ZWILCH: variants seen among roughly 807,000 people sequenced by gnomAD.
ZWILCH encodes protein zwilch homolog.
Under a neutral mutation model 79.9 loss-of-function variants are expected in ZWILCH, and 74 were observed. The ratio of observed to expected loss-of-function variants is 0.93; its 90% CI spans 0.77 to 1.12. ZWILCH has a LOEUF of 1.12. Ranked by LOEUF, ZWILCH falls within the 50% of genes most tolerant of loss-of-function variation. The pLI is 0.00. For missense variants in ZWILCH, 694 were observed against 687.5 expected, an observed-to-expected ratio of 1.01 and a Z score of -0.11; for synonymous variants, 241 against 228.2, an observed-to-expected ratio of 1.06 and a Z score of -0.51.
chr15:66,533,039 T>C (rs1292938964), intron 14 of ZWILCH, 26 bp downstream of exon 14: 8 of 1,541,922 alleles, frequency 5.2e-6, no homozygotes, highest in South Asian at 2.4e-5. Context: ...TATTCTAAAA[T>C]TGGTTTTTCT....
intron 14 of ZWILCH, 101 bp from the exon 15 acceptor site, chr15:66,535,832 A>C: frequency 1.0e-6 from 1 of 984,652 alleles, no homozygotes; most frequent in African/African-American, 1.7e-5. Flanking sequence ...AATGCCTGTT[A>C]TCAAGCATCC....
Position 66,515,536 on chromosome 15 carries a change from A to G in ZWILCH, c.212A>G (p.Lys71Arg), listed in dbSNP as rs763758500. ...VFIVEKVPLEKEETSHIEELQ... is the reference protein window; with the variant it reads ...VFIVEKVPLEREETSHIEELQ... The stretch of plus-strand genomic sequence containing the variant: ...AGAACATTTTTAAAGCCTTTAGAAA[A>G]GGAAGAAACAAGTCATATTGAAGAA... Residue 71 changes from lysine (K) to arginine (R), a missense_variant, in exon 4 of 19, where the codon AAG (lysine) becomes AGG (arginine). Lys to Arg is a conservative substitution (Grantham distance 26). Transcript: ENST00000307897. 6.2e-7 allele frequency: 1 copy of G among 1,600,648 alleles called. No individual in the cohort carries two copies. The highest frequency in any genetic ancestry group is 8.5e-7 in the Non-Finnish European group (1 of 1,172,636).
In ZWILCH at chr15:66,520,731, T is replaced by G. The variant is rs185963946; in HGVS notation, c.591+71T>G. 4.5e-3 allele frequency: 4,403 copies of G among 986,982 alleles called. 23 individuals carry two copies. The highest frequency in any genetic ancestry group is 5.8e-3 in the Non-Finnish European group (3,819 of 653,760). The allele number at this position is 986,982 out of a possible 1,614,324, so 61.1% of individuals were successfully genotyped here. ...CAACCTGCCTTCCTAGTTTACAGGT[T>G]TTTTTTCACTCCTAAGATGACTAGA... On this transcript the variant is annotated intron_variant, in intron 6 of 18. Coordinates refer to ENST00000307897, the MANE Select transcript of ZWILCH (RefSeq NM_017975.5).
intron 8 of ZWILCH, among the ~76,000 whole-genome samples, chr15:66,526,622 G>C (rs529959640): frequency 1.3e-5 from 2 of 152,106 alleles, no homozygotes; most frequent in East Asian, 1.9e-4. Context: ...ACCATGCCCA[G>C]CTGATTTTTT....
chr15:66,529,045 G>A (rs1894779408), intron 11 of ZWILCH, 88 bp downstream of exon 11: 1 of 991,748 alleles, frequency 1.0e-6, no homozygotes, highest in African/African-American at 1.6e-5. Context: ...TGTACCACTA[G>A]TTTTGTGGGG....
intron 7 of ZWILCH, chr15:66,523,316 A>G (rs1894565573): frequency 5.7e-6 from 1 of 176,916 alleles, no homozygotes; most frequent in African/African-American, 2.4e-5. Flanking sequence ...GGTTTGTGAT[A>G]ATGCTAAGTT....
chr15:66,507,234 G>T (rs1199123925), intron 1 of ZWILCH, among the ~76,000 whole-genome samples: 4 of 152,188 alleles, frequency 2.6e-5, no homozygotes, highest in Admixed American at 2.6e-4. Flanking sequence ...TTTTCACACG[G>T]GACCTCAGAT....
In ZWILCH at chr15:66,535,950, A is replaced by G. The variant is rs1268566197; in HGVS notation, c.1359A>G (p.Pro453=). Residue 453 remains proline (P), a synonymous_variant, in exon 15 of 19, where the codon CCA becomes CCG. Coordinates refer to ENST00000307897, the MANE Select transcript of ZWILCH (RefSeq NM_017975.5). ...CATTCCAGGAATACTTCATTGCTCCATCAGTAGATATACAAGAACAGGTTT... is the reference window on the plus strand; with the variant it reads ...CATTCCAGGAATACTTCATTGCTCCGTCAGTAGATATACAAGAACAGGTTT... ...SLNHLEYFIA[P]SVDIQEQVYR... is the part of the protein sequence containing the mutation. The G allele has an allele frequency of 2.5e-6, 4 of 1,604,996 alleles. No homozygotes were observed. The highest frequency in any genetic ancestry group is 3.4e-6 in the Non-Finnish European group (4 of 1,177,780).
intron 17 of ZWILCH, among the ~76,000 whole-genome samples, chr15:66,545,669 C>G (rs993894888): frequency 6.6e-6 from 1 of 152,154 alleles, no homozygotes; most frequent in Non-Finnish European, 1.5e-5. Flanking sequence ...CCTCTTGTAG[C>G]CATCATATAT....
chr15:66,542,394 G>T (rs1567053384), intron 17 of ZWILCH, among the ~76,000 whole-genome samples: 1 of 152,122 alleles, frequency 6.6e-6, no homozygotes, highest in East Asian at 1.9e-4. Flanking sequence ...GACCATCCTG[G>T]CTAACACAGT....
chr15:66,517,641 G>C (rs919497660), intron 4 of ZWILCH, among the ~76,000 whole-genome samples: 5 of 148,212 alleles, frequency 3.4e-5, no homozygotes, highest in Admixed American at 1.4e-4. Context: ...TACCTAATCA[G>C]AGCCCATATT....
chr15:66,524,188 C>CA (rs1894599066), intron 8 of ZWILCH, among the ~76,000 whole-genome samples: 3 of 151,896 alleles, frequency 2.0e-5, no homozygotes, highest in Non-Finnish European at 2.9e-5. Context: ...TGTATATTTA[C>CA]CTTTTGAGGA....
intron 16 of ZWILCH, 53 bp from the exon 17 acceptor site, chr15:66,540,045 A>G (rs890805196): frequency 2.3e-6 from 3 of 1,297,592 alleles, no homozygotes; most frequent in African/African-American, 2.9e-5. Context: ...GAGGGAAGGA[A>G]GTAAATGGCT....
In ZWILCH at chr15:66,505,361, C is replaced by T. The variant is rs1567037197; in HGVS notation, c.23C>T (p.Ala8Val). The change falls in exon 1 of 19, where the codon GCA becomes GTA. Residue 8 changes from alanine (A) to valine (V), a missense_variant. Transcript: ENST00000307897. MWERLNC[A>V]AEDFYSRLLQ... The stretch of plus-strand genomic sequence containing the variant: ...GGGATGTGGGAGCGGCTGAACTGCG[C>T]AGCAGAGGACTTTTATTCTCGTCTC... 3 of 1,614,142 alleles carry T rather than the reference C, an allele frequency of 1.9e-6. No homozygotes were observed. Among genetic ancestry groups the T allele is most frequent in the East Asian group, 2.2e-5 (1 of 44,886 alleles).
intron 8 of ZWILCH, among the ~76,000 whole-genome samples, chr15:66,525,756 CTTTTTTT>C (rs66835007): frequency 9.2e-4 from 86 of 93,472 alleles, no homozygotes; most frequent in African/African-American, 2.5e-3. Context: ...TCACATTTTT[CTTTTTTT>C]TTTTTTTTTT....
chr15:66,507,807 C>G (rs1052312688), intron 1 of ZWILCH, among the ~76,000 whole-genome samples: 3 of 152,124 alleles, frequency 2.0e-5, no homozygotes, highest in Non-Finnish European at 4.4e-5. Flanking sequence ...GTGGCAGGCT[C>G]CTGTAGTCCT....
intron 16 of ZWILCH, among the ~76,000 whole-genome samples, chr15:66,538,974 G>A (rs567081541): frequency 3.3e-5 from 5 of 152,204 alleles, no homozygotes; most frequent in Admixed American, 2.6e-4. Context: ...CACATCTCCA[G>A]CTTCTCTGAG....
Position 66,521,026 on chromosome 15 carries a change from A to T in ZWILCH, c.592-24A>T. ...GGCCATGTGGAAGCACAGCTAAATGATCTGCTGGGTACACTCTTTTCAGGT... is the reference window on the plus strand; with the variant it reads ...GGCCATGTGGAAGCACAGCTAAATGTTCTGCTGGGTACACTCTTTTCAGGT... On this transcript the variant is annotated intron_variant, in intron 6 of 18. Transcript: ENST00000307897. 1.9e-6 allele frequency: 3 copies of T among 1,609,884 alleles called. No homozygotes were observed. In the East Asian group the frequency reaches 6.7e-5, roughly 36 times the overall value.
chr15:66,535,566 C>G (rs1894986968), intron 14 of ZWILCH, among the ~76,000 whole-genome samples: 1 of 151,684 alleles, frequency 6.6e-6, no homozygotes, highest in African/African-American at 2.4e-5. Context: ...ATCCCAGCTA[C>G]TCAGGAGGCT....
Sources: allele counts gnomAD v4.1 joint callset (sites outside exome capture counted in the v4.1 genomes callset), GRCh38; gene constraint gnomAD v4.1.1; transcripts MANE v1.5; gene names NCBI Gene and HGNC (gene_info 2026-07-23, HGNC 2026-07-21).